The following LUZP2 variants were observed in gnomAD, a reference collection of about 807,000 sequenced individuals.
LUZP2 encodes leucine zipper protein 2.
Under a neutral mutation model 51.6 loss-of-function variants are expected in LUZP2, and 52 were observed. The observed-to-expected ratio is 1.01, with a 90% CI of 0.81 to 1.27. The LOEUF (loss-of-function observed/expected upper bound fraction) is 1.27. Ranked by LOEUF, LUZP2 falls within the 50% of genes most tolerant of loss-of-function variation. The pLI, the probability that LUZP2 is intolerant of heterozygous loss-of-function variation, is 0.00. For synonymous variants in LUZP2, 154 were observed against 137.3 expected (o/e 1.12, Z -0.85); for missense variants, 436 against 395.4 (o/e 1.10, Z -0.87).
intron 4 of LUZP2, among the ~76,000 whole-genome samples, chr11:24,762,133 C>A (rs1168688044): frequency 6.6e-6 from 1 of 152,042 alleles, no homozygotes; most frequent in Non-Finnish European, 1.5e-5. Context: ...TGTTTCAGAA[C>A]TAAATATTTT....
At position 25,011,114 on chromosome 11, in the gene LUZP2, A is replaced by G. The variant is rs967065374; in HGVS notation, c.765+27821A>G. On this transcript the variant is annotated intron_variant, in intron 9 of 11. Transcript: ENST00000336930. Reference sequence around the variant, plus strand: ...ATTCTGAACAGCAACCCTCGAGGGCATGGGGCATATATATTTTATTTTAGT... The same window carrying G: ...ATTCTGAACAGCAACCCTCGAGGGCGTGGGGCATATATATTTTATTTTAGT... Among the ~76,000 whole-genome samples the G allele has an allele frequency of 2.6e-5, 4 of 152,106 alleles. No homozygotes were observed. The South Asian group carries it at 8.3e-4, about 31-fold the overall frequency.
intron 3 of LUZP2, among the ~76,000 whole-genome samples, chr11:24,736,469 G>GTCCTTCCTTCCTTCCT (rs61318393): frequency 3.4e-5 from 5 of 146,302 alleles, no homozygotes; most frequent in African/African-American, 1.3e-4. Flanking sequence ...TAACATGTAG[G>GTCCTTCCTTCCTTCCT]TCCTTCCTTC....
intron 10 of LUZP2, among the ~76,000 whole-genome samples, chr11:25,051,722 C>T (rs1346453741): frequency 2.0e-5 from 3 of 152,096 alleles, no homozygotes; most frequent in African/African-American, 7.2e-5. Context: ...TGTATTCAAT[C>T]GAGTGATAAG....
intron 1 of LUZP2, among the ~76,000 whole-genome samples, chr11:24,552,523 A>G (rs1851750962): frequency 6.6e-6 from 1 of 152,028 alleles, no homozygotes. Context: ...GAATAAGTAA[A>G]GCTGTCATTA....
chr11:24,571,978 T>G (rs548476150), intron 1 of LUZP2, among the ~76,000 whole-genome samples: 1 of 152,132 alleles, frequency 6.6e-6, no homozygotes, highest in Admixed American at 6.6e-5. Flanking sequence ...GTCTTATAAT[T>G]TTATGCTAAT....
At chr11:24,821,617 G>A (rs977472180) in intron 5 of LUZP2, among the ~76,000 whole-genome samples, 1 of 152,044 alleles carries the variant, frequency 6.6e-6, no homozygotes, top group Admixed American at 6.5e-5. Flanking sequence ...TGTGGAACTA[G>A]CTGATTTCTG....
At chr11:25,050,841 ACAT>A in intron 10 of LUZP2, among the ~76,000 whole-genome samples, 2 of 152,336 alleles carry the variant, frequency 1.3e-5, no homozygotes, top group East Asian at 3.9e-4. Flanking sequence ...GCATACAGAG[ACAT>A]CATTGTAGAG....
rs1348941326 is a variant in LUZP2, at chr11:24,882,913, G to GAAGA, written c.397-23068_397-23065dup. ...GGAAAGAAAAAGAAAGAGAAAGAAA[G>GAAGA]AAGAAAGAAAGAACGAAAGAAAGAA... is the stretch of plus-strand genomic sequence containing the variant. On this transcript the variant is annotated intron_variant, in intron 5 of 11. Coordinates refer to ENST00000336930, the MANE Select transcript of LUZP2 (RefSeq NM_001009909.4). 5.8e-5 allele frequency among the ~76,000 whole-genome samples: 8 copies of GAAGA among 138,742 alleles called. No individual in the cohort carries two copies. In the Admixed American group the frequency reaches 5.9e-4, roughly 10 times the overall value. The allele number at this position is 138,742 out of a possible 152,430, so 91.0% of individuals were successfully genotyped here. A position where few individuals can be genotyped will look rare whatever the true frequency, so the allele number is the denominator to read the frequency against.
At chr11:24,726,863 A>G (rs1057066015) in intron 1 of LUZP2, among the ~76,000 whole-genome samples, 2 of 152,102 alleles carry the variant, frequency 1.3e-5, no homozygotes, top group Non-Finnish European at 2.9e-5. Context: ...TAAATGGAAG[A>G]AAATCCAATA....
intron 5 of LUZP2, among the ~76,000 whole-genome samples, chr11:24,799,588 C>A (rs77112006): frequency 6.6e-4 from 93 of 140,822 alleles, no homozygotes; most frequent in South Asian, 9.0e-4. Flanking sequence ...AAGACTGTTT[C>A]AAAAAAAAAA....
intron 5 of LUZP2, among the ~76,000 whole-genome samples, chr11:24,801,954 CA>C (rs1849710818): frequency 6.6e-6 from 1 of 151,252 alleles, no homozygotes; most frequent in Non-Finnish European, 1.5e-5. Flanking sequence ...TATGTATGTA[CA>C]AAGAGTACAT....
rs186539118 is a variant in LUZP2 at position 24,642,971 on chromosome 11, C to T, written c.63-86198C>T. ...GGAAGATAAGACCTAAAGAGAGAGCCTCTTTGAGAAAGGATGTAGAGAAGC... is the reference window on the plus strand; with the variant it reads ...GGAAGATAAGACCTAAAGAGAGAGCTTCTTTGAGAAAGGATGTAGAGAAGC... On this transcript the variant is annotated intron_variant, in intron 1 of 11. Transcript: ENST00000336930. Among the ~76,000 whole-genome samples, 352 of 152,074 alleles carry T rather than the reference C, an allele frequency of 2.3e-3. 1 individual carries two copies. Among genetic ancestry groups the T allele is most frequent in the Non-Finnish European group, 4.1e-3 (278 of 67,988 alleles).
chr11:24,970,706 A>G (rs1590789277), intron 7 of LUZP2, among the ~76,000 whole-genome samples: 1 of 152,300 alleles, frequency 6.6e-6, no homozygotes, highest in Non-Finnish European at 1.5e-5. Flanking sequence ...TTCCCAGAAG[A>G]AAACAGAGTT....
intron 1 of LUZP2, among the ~76,000 whole-genome samples, chr11:24,619,165 A>G (rs999118361): frequency 4.6e-5 from 7 of 152,104 alleles, no homozygotes; most frequent in African/African-American, 1.7e-4. Flanking sequence ...AGTAGCTGAG[A>G]CTACAGATGT....
chr11:24,974,371 T>G (rs998261118), intron 7 of LUZP2, among the ~76,000 whole-genome samples: 10 of 152,040 alleles, frequency 6.6e-5, no homozygotes, highest in Admixed American at 1.3e-4. Context: ...TATGGATGGG[T>G]CTTGACTCTT....
intron 1 of LUZP2, among the ~76,000 whole-genome samples, chr11:24,606,111 C>A (rs967880003): frequency 1.3e-5 from 2 of 151,156 alleles, no homozygotes; most frequent in African/African-American, 4.9e-5. Context: ...CGTATATATG[C>A]ATATGTATAC....
At chr11:24,797,943 G>A (rs12280442) in intron 5 of LUZP2, among the ~76,000 whole-genome samples, 1 of 152,108 alleles carries the variant, frequency 6.6e-6, no homozygotes, top group Non-Finnish European at 1.5e-5. Context: ...AAAATAATTA[G>A]AGCCTGTGTC....
chr11:25,060,579 C>T (rs1165279196), intron 10 of LUZP2, among the ~76,000 whole-genome samples: 2 of 152,188 alleles, frequency 1.3e-5, no homozygotes, highest in Non-Finnish European at 2.9e-5. Context: ...TATCTCATTT[C>T]ACTGTGATAT....
chr11:25,058,714 G>A (rs1207161428), intron 10 of LUZP2, among the ~76,000 whole-genome samples: 1 of 152,144 alleles, frequency 6.6e-6, no homozygotes, highest in Non-Finnish European at 1.5e-5. Flanking sequence ...ACCTGCTTGG[G>A]GGACATTGAT....
Sources: gnomAD v4.1 joint callset for allele counts (sites outside exome capture counted in the v4.1 genomes callset) on GRCh38, gnomAD v4.1.1 for gene constraint, MANE v1.5 for transcripts, NCBI Gene and HGNC (gene_info 2026-07-23, HGNC 2026-07-21) for gene names.